Variants in SLC38A6 observed in about 807,000 individuals in gnomAD.
The protein encoded by SLC38A6 is N system amino acid transporter NAT-1.
SLC38A6 carries 73 observed loss-of-function variants against 65.0 expected under a neutral mutation model. The ratio of observed to expected loss-of-function variants is 1.12; its 90% CI spans 0.93 to 1.37. The LOEUF is 1.37. Among genes scored for constraint, SLC38A6 ranks in the 40% most tolerant of loss-of-function variants. The probability of loss-of-function intolerance (pLI) is 0.00; values close to 1 mark genes in which losing one functional copy is unlikely to be tolerated. For synonymous variants in SLC38A6, 183 were observed against 178.8 expected (o/e 1.02, Z -0.19); for missense variants, 561 against 531.1 (o/e 1.06, Z -0.55).
In SLC38A6 at chr14:61,069,906, C is replaced by A. The variant is rs144043527; in HGVS notation, c.1291-8904C>A. ...GTTCTTCCCAGTATATTCTATGCCT[C>A]TCTTAGAGAGAGAGAGAGAGAATAC... On this transcript the variant is annotated intron_variant, in intron 15 of 16. Transcript: ENST00000354886. 3.6e-3 allele frequency among the ~76,000 whole-genome samples: 551 copies of A among 152,222 alleles called. 3 individuals are homozygous for A. The highest frequency in any genetic ancestry group is 0.012 in the African/African-American group (514 of 41,546).
chr14:61,080,301 G>A lies in SLC38A6; in HGVS notation c.1408+1374G>A, dbSNP rs565215414. Among the ~76,000 whole-genome samples the A allele has an allele frequency of 2.6e-5, 4 of 152,186 alleles. No homozygotes were observed. In the East Asian group the frequency reaches 5.8e-4, roughly 22 times the overall value. On this transcript the variant is annotated intron_variant, in intron 16 of 16. Transcript: ENST00000354886. ...TGATTTCGTGTTCTCTAGAGCTGGCGTGTTATGTGACCTATTGTGGGGAGA... is the reference window on the plus strand; with the variant it reads ...TGATTTCGTGTTCTCTAGAGCTGGCATGTTATGTGACCTATTGTGGGGAGA...
intron 6 of SLC38A6, among the ~76,000 whole-genome samples, chr14:61,031,256 A>C (rs1157965703): frequency 1.3e-5 from 2 of 152,170 alleles, no homozygotes; most frequent in Non-Finnish European, 2.9e-5. Context: ...ATTGCCATCA[A>C]GTTATTTCAC....
At chr14:61,076,521 A>T (rs2043424946) in intron 15 of SLC38A6, among the ~76,000 whole-genome samples, 1 of 152,234 alleles carries the variant, frequency 6.6e-6, no homozygotes, top group African/African-American at 2.4e-5. Flanking sequence ...CATCCTTAAG[A>T]TGCCATCCTA....
In SLC38A6 at chr14:61,019,598, C is replaced by T. The variant is rs754109347; in HGVS notation, c.403+18C>T. On this transcript the variant is annotated intron_variant, in intron 5 of 15. Coordinates refer to ENST00000267488, the MANE Select transcript of SLC38A6 (RefSeq NM_153811.3). The stretch of plus-strand genomic sequence containing the variant: ...TATTGGAGGTAAGCAATTGCAAGTG[C>T]ACTGTTTATACATAAATGTGATGGC... The T allele has an allele frequency of 1.9e-6, 3 of 1,610,680 alleles. No individual in the cohort carries two copies. Among genetic ancestry groups the T allele is most frequent in the African/African-American group, 1.3e-5 (1 of 74,964 alleles).
chr14:61,045,985 C>A, intron 11 of SLC38A6, 82 bp from the exon 12 acceptor site: 1 of 752,878 alleles, frequency 1.3e-6, no homozygotes, highest in Non-Finnish European at 2.2e-6. Context: ...ATGAGGAATT[C>A]TCTCGACCAG....
At chr14:61,031,040 CTTAA>C (rs749880313) in intron 6 of SLC38A6, 4 of 152,202 alleles carry the variant, frequency 2.6e-5, no homozygotes, top group South Asian at 2.1e-4. Flanking sequence ...TTTGCAAGGA[CTTAA>C]TTGTTTCATT....
downstream of SLC38A6, among the ~76,000 whole-genome samples, chr14:61,053,704 G>A (rs1031849377): frequency 4.6e-5 from 7 of 152,154 alleles, no homozygotes; most frequent in African/African-American, 1.7e-4. Context: ...AGAAGTGTCT[G>A]TTCATGTCCT....
chr14:61,040,158 A>G (rs551330585), intron 8 of SLC38A6, among the ~76,000 whole-genome samples: 1 of 151,994 alleles, frequency 6.6e-6, no homozygotes, highest in Admixed American at 6.5e-5. Flanking sequence ...TACGTCGGTA[A>G]TCCAGTTAGA....
At chr14:61,076,082 C>T (rs997955659) in intron 15 of SLC38A6, among the ~76,000 whole-genome samples, 6 of 151,822 alleles carry the variant, frequency 4.0e-5, no homozygotes, top group Admixed American at 6.6e-5. Context: ...CTTGAACTCC[C>T]GACCTCAGGT....
At chr14:60,993,999 G>T (rs548328459) in intron 3 of SLC38A6, among the ~76,000 whole-genome samples, 1 of 152,278 alleles carries the variant, frequency 6.6e-6, no homozygotes, top group Admixed American at 6.5e-5. Context: ...ATAAGAAATG[G>T]TACAGCTACT....
Position 60,984,685 on chromosome 14 carries a change from A to G in SLC38A6, c.237-45A>G, listed in dbSNP as rs113455686. The G allele has an allele frequency of 2.5e-6, 4 of 1,578,586 alleles. No individual in the cohort carries two copies. In the South Asian group the frequency reaches 4.4e-5, roughly 17 times the overall value. Reference sequence around the variant, plus strand: ...TTTGTAATGAGACACCATACAAAAGACAAACTTTTGGGAGGTTTTGACCAG... The same window carrying G: ...TTTGTAATGAGACACCATACAAAAGGCAAACTTTTGGGAGGTTTTGACCAG... On this transcript the variant is annotated intron_variant, in intron 2 of 15. Transcript: ENST00000267488.
At chr14:60,993,859 T>TAC (rs2038083527) in intron 3 of SLC38A6, among the ~76,000 whole-genome samples, 3 of 152,138 alleles carry the variant, frequency 2.0e-5, no homozygotes, top group Non-Finnish European at 2.9e-5. Flanking sequence ...AACAGCCACA[T>TAC]ACACACACAC....
In SLC38A6 at chr14:61,051,825, T is replaced by TC; in HGVS notation, c.1091dup (p.Phe365IlefsTer26). 1.2e-6 allele frequency: 2 copies of TC among 1,612,604 alleles called. No homozygotes were observed. The highest frequency in any genetic ancestry group is 1.7e-6 in the Non-Finnish European group (2 of 1,179,412). On this transcript the variant is annotated frameshift_variant, in exon 14 of 16. Coordinates refer to ENST00000267488, the MANE Select transcript of SLC38A6 (RefSeq NM_153811.3). LOFTEE classifies it high-confidence loss of function. ...TAACAATGATGTTTTTCTCCAATTTTCCATTCTCATGGATTCGCCATTTTT... is the reference window on the plus strand; with the variant it reads ...TAACAATGATGTTTTTCTCCAATTTTCCCATTCTCATGGATTCGCCATTTTT...
At chr14:60,988,565 T>C (rs1368480862) in intron 3 of SLC38A6, among the ~76,000 whole-genome samples, 1 of 152,224 alleles carries the variant, frequency 6.6e-6, no homozygotes, top group Admixed American at 6.5e-5. Context: ...CCACTGATCT[T>C]GTCATTACCA....
At position 61,015,910 on chromosome 14, in the gene SLC38A6, C is replaced by T; in HGVS notation, c.317C>T (p.Thr106Ile). Residue 106 changes from threonine (T) to isoleucine (I), a missense_variant, in exon 4 of 16, where the codon ACA becomes ATA. By Grantham distance (89) the Thr-to-Ile change is moderately conservative. Transcript: ENST00000267488. ...TTGTAATTTCTCTTAACAGCTGTAA[C>T]ATCTTATGAAGATCTTGGACTCTTT... is the stretch of plus-strand genomic sequence containing the variant. ...LLSMCIQTAV[T>I]SYEDLGLFAF... is the part of the protein sequence containing the mutation. The T allele has an allele frequency of 6.2e-7, 1 of 1,606,726 alleles. No individual in the cohort carries two copies. The highest frequency in any genetic ancestry group is 8.5e-7 in the Non-Finnish European group (1 of 1,178,014).
chr14:61,020,261 A>G (rs561145326), intron 5 of SLC38A6, among the ~76,000 whole-genome samples: 1 of 152,218 alleles, frequency 6.6e-6, no homozygotes, highest in Non-Finnish European at 1.5e-5. Context: ...GCTGAACAAT[A>G]TCTTCGTTTT....
At chr14:61,048,429 G>A (rs760335809) in intron 12 of SLC38A6, 50 of 239,212 alleles carry the variant, frequency 2.1e-4, no homozygotes, top group Non-Finnish European at 3.8e-4. Flanking sequence ...ATAACTTGCA[G>A]AGATCACCAT....
intron 12 of SLC38A6, among the ~76,000 whole-genome samples, chr14:61,046,686 T>G (rs1376385027): frequency 6.6e-6 from 1 of 152,226 alleles, no homozygotes; most frequent in African/African-American, 2.4e-5. Flanking sequence ...ACCTTCCTCC[T>G]TAATTATTTT....
chr14:60,982,405 G>A, intron 1 of SLC38A6, 103 bp from the exon 2 acceptor site: 1 of 1,473,062 alleles, frequency 6.8e-7, no homozygotes, highest in Non-Finnish European at 9.3e-7. Context: ...AAACCCTGGT[G>A]GTTTGCAGCT....
Sources: allele counts gnomAD v4.1 joint callset (sites outside exome capture counted in the v4.1 genomes callset), GRCh38; gene constraint gnomAD v4.1.1; transcripts MANE v1.5; gene names NCBI Gene and HGNC (gene_info 2026-07-23, HGNC 2026-07-21).